The following GALNT13 variants were observed in gnomAD, a reference collection of about 807,000 sequenced individuals.
The protein encoded by GALNT13 is polypeptide N-acetylgalactosaminyltransferase 13.
A neutral mutation model predicts 64.2 loss-of-function variants in GALNT13; 28 were observed. That is an observed-to-expected ratio of 0.44 (90% confidence interval 0.32 to 0.60). The LOEUF (loss-of-function observed/expected upper bound fraction) is 0.60, where lower values mean the gene tolerates loss of function less well. Ranked by LOEUF, GALNT13 falls within the 20% of genes least tolerant of loss-of-function variation. The pLI is 0.05. For missense variants in GALNT13, 577 were observed against 669.8 expected, an observed-to-expected ratio of 0.86 and a Z score of 1.53; for synonymous variants, 214 against 224.6, an observed-to-expected ratio of 0.95 and a Z score of 0.42.
the GALNT13 span, among the ~76,000 whole-genome samples, chr2:153,843,802 G>A: frequency 6.6e-6 from 1 of 152,104 alleles, no homozygotes; most frequent in Non-Finnish European, 1.5e-5. Flanking sequence ...AGGGTTACAG[G>A]CCCCATGCAA....
intron 11 of GALNT13, among the ~76,000 whole-genome samples, chr2:154,410,711 T>C (rs1699753823): frequency 6.6e-6 from 1 of 151,706 alleles, no homozygotes; most frequent in African/African-American, 2.4e-5. Flanking sequence ...CATTTAGAAG[T>C]GCCAGCCATA....
At chr2:153,148,427 C>T in the GALNT13 span, among the ~76,000 whole-genome samples, 1 of 150,962 alleles carries the variant, frequency 6.6e-6, no homozygotes, top group East Asian at 2.0e-4. Flanking sequence ...TGAATCAAAT[C>T]GTAGAGGCAT....
the GALNT13 span, among the ~76,000 whole-genome samples, chr2:153,360,205 C>T: frequency 2.0e-5 from 3 of 152,312 alleles, 1 homozygote; most frequent in African/African-American, 7.2e-5. Context: ...GAGCCCCCAA[C>T]CCCCAGCCAA....
At chr2:153,126,298 A>ATG in the GALNT13 span, among the ~76,000 whole-genome samples, 2 of 6,214 alleles carry the variant, frequency 3.2e-4, no homozygotes, top group African/African-American at 2.9e-3. Flanking sequence ...TTGATTTTGT[A>ATG]TATATATATA....
the GALNT13 span, among the ~76,000 whole-genome samples, chr2:153,203,109 G>A: frequency 1.3e-5 from 2 of 152,176 alleles, no homozygotes; most frequent in African/African-American, 4.8e-5. Flanking sequence ...TTACTTGTCT[G>A]CTTTCAAGAA....
At chr2:154,107,566 G>C (rs976010074) in intron 3 of GALNT13, among the ~76,000 whole-genome samples, 2 of 142,968 alleles carry the variant, frequency 1.4e-5, no homozygotes, top group Non-Finnish European at 3.0e-5. Context: ...CTCCAGCTTG[G>C]CAACAGAGTG....
chr2:154,350,546 C>T (rs1230461048), intron 9 of GALNT13, among the ~76,000 whole-genome samples: 1 of 152,216 alleles, frequency 6.6e-6, no homozygotes, highest in African/African-American at 2.4e-5. Flanking sequence ...GGGACTTGGA[C>T]TGGCTTAGTT....
At chr2:153,972,898 G>A (rs1574240452) in intron 3 of GALNT13, among the ~76,000 whole-genome samples, 1 of 152,084 alleles carries the variant, frequency 6.6e-6, no homozygotes, top group Non-Finnish European at 1.5e-5. Flanking sequence ...TAGTAATCCT[G>A]TGACAAAGAA....
chr2:154,378,045 C>T (rs1445638424), intron 9 of GALNT13, among the ~76,000 whole-genome samples: 2 of 152,040 alleles, frequency 1.3e-5, no homozygotes, highest in African/African-American at 4.8e-5. Context: ...TGACCCTTGT[C>T]CTTATGGAGT....
At chr2:153,579,413 G>C in the GALNT13 span, among the ~76,000 whole-genome samples, 1 of 152,134 alleles carries the variant, frequency 6.6e-6, no homozygotes, top group Non-Finnish European at 1.5e-5. Flanking sequence ...GTCAATCAGA[G>C]AAAGTCATAT....
At chr2:153,881,280 A>G (rs1574033070) in intron 1 of GALNT13, among the ~76,000 whole-genome samples, 3 of 152,180 alleles carry the variant, frequency 2.0e-5, no homozygotes, top group Non-Finnish European at 4.4e-5. Context: ...TATATGGTTC[A>G]TTATTTATGC....
the GALNT13 span, among the ~76,000 whole-genome samples, chr2:153,740,633 T>C: frequency 2.0e-5 from 3 of 152,098 alleles, no homozygotes; most frequent in African/African-American, 7.2e-5. Flanking sequence ...GAATGTTTTG[T>C]TTGTCTGTTT....
At chr2:153,338,443 A>G in the GALNT13 span, among the ~76,000 whole-genome samples, 2 of 152,126 alleles carry the variant, frequency 1.3e-5, no homozygotes, top group Non-Finnish European at 2.9e-5. Context: ...GAATTCACAC[A>G]TTTTTCGCAT....
At chr2:154,030,209 A>G (rs1291456624) in intron 3 of GALNT13, among the ~76,000 whole-genome samples, 1 of 152,170 alleles carries the variant, frequency 6.6e-6, no homozygotes, top group Non-Finnish European at 1.5e-5. Flanking sequence ...AGCTCAGAGA[A>G]CGATACACAC....
chr2:153,140,245 A>G, the GALNT13 span, among the ~76,000 whole-genome samples: 1 of 152,050 alleles, frequency 6.6e-6, no homozygotes, highest in Non-Finnish European at 1.5e-5. Flanking sequence ...GGTCCTTCAC[A>G]ATGTTATTTC....
chr2:153,734,053 T>C, the GALNT13 span, among the ~76,000 whole-genome samples: 5 of 152,236 alleles, frequency 3.3e-5, no homozygotes, highest in Admixed American at 6.6e-5. Flanking sequence ...GGTGTTCTAT[T>C]TCATTGGTGA....
chr2:153,879,384 A>ATG (rs1686623175), intron 1 of GALNT13, among the ~76,000 whole-genome samples: 1 of 144,646 alleles, frequency 6.9e-6, no homozygotes, highest in East Asian at 2.2e-4. Context: ...GTGTGTGTGC[A>ATG]TGTGTGTGTG....
the GALNT13 span, among the ~76,000 whole-genome samples, chr2:153,481,279 T>G: frequency 6.6e-6 from 1 of 152,300 alleles, no homozygotes; most frequent in Non-Finnish European, 1.5e-5. Flanking sequence ...TATTCATTCA[T>G]TAATTGACTT....
intron 1 of GALNT13, among the ~76,000 whole-genome samples, chr2:153,887,677 T>C (rs1364853011): frequency 6.6e-6 from 1 of 152,014 alleles, no homozygotes; most frequent in Non-Finnish European, 1.5e-5. Context: ...ATATCTTCTA[T>C]TTGGGAATTT....
Sources: gnomAD v4.1 joint callset for allele counts (sites outside exome capture counted in the v4.1 genomes callset) on GRCh38, gnomAD v4.1.1 for gene constraint, MANE v1.5 for transcripts, NCBI Gene and HGNC (gene_info 2026-07-23, HGNC 2026-07-21) for gene names.